Variants in EYS observed in about 807,000 individuals in gnomAD.
EYS encodes the protein EGF-like photoreceptor maintenance factor, also known as protein eyes shut homolog.
In EYS, 250 loss-of-function variants were observed where a neutral mutation model predicts 282.1. That is an observed-to-expected ratio of 0.89 (90% CI 0.80 to 0.98). The LOEUF is 0.98. EYS is among the 50% of genes least tolerant of loss of function. The probability of loss-of-function intolerance (pLI) is 0.00; values close to 1 mark genes in which losing one functional copy is unlikely to be tolerated. For synonymous variants in EYS, 1,355 were observed against 1,282.9 expected, an observed-to-expected ratio of 1.06 and a Z score of -1.20; for missense variants, 4,016 against 3,709.0, an observed-to-expected ratio of 1.08 and a Z score of -2.15.
intron 1 of EYS, among the ~76,000 whole-genome samples, chr6:65,703,006 C>T (rs1167385363): frequency 6.6e-6 from 1 of 152,110 alleles, no homozygotes; most frequent in Admixed American, 6.6e-5. Context: ...AACTTTAAGG[C>T]TTTTAGAGAA....
intron 11 of EYS, among the ~76,000 whole-genome samples, chr6:65,297,106 T>A (rs1037521358): frequency 4.6e-5 from 7 of 151,380 alleles, no homozygotes; most frequent in Non-Finnish European, 8.9e-5. Flanking sequence ...TATAAATTCT[T>A]AGATCATTTT....
chr6:64,491,234 T>C (rs1776729617), intron 26 of EYS, among the ~76,000 whole-genome samples: 1 of 150,908 alleles, frequency 6.6e-6, no homozygotes, highest in South Asian at 2.1e-4. Flanking sequence ...AAATATTATG[T>C]TTGCACATAA....
chr6:65,505,183 G>T (rs753362193), intron 2 of EYS, among the ~76,000 whole-genome samples: 1 of 151,734 alleles, frequency 6.6e-6, no homozygotes, highest in African/African-American at 2.4e-5. Context: ...TTCAAATATT[G>T]AGACAGAAAA....
rs995097783 is a variant in EYS at position 65,173,963 on chromosome 6, A to C, written c.2024-116236T>G. Among the ~76,000 whole-genome samples the C allele has an allele frequency of 1.7e-4, 25 of 151,252 alleles. 1 individual carries two copies. The highest frequency in any genetic ancestry group is 4.6e-4 in the Admixed American group (7 of 15,104). ...GTGTATGCTTGAGTAATCACAACGT[A>C]TATATAGCTTTTTTCTTAAAGATAA... On this transcript the variant is annotated intron_variant, in intron 12 of 42. Coordinates refer to ENST00000503581, the MANE Select transcript of EYS (RefSeq NM_001142800.2).
At chr6:65,214,666 C>G (rs969447145) in intron 12 of EYS, among the ~76,000 whole-genome samples, 1 of 152,100 alleles carries the variant, frequency 6.6e-6, no homozygotes, top group African/African-American at 2.4e-5. Context: ...GACAAAAAAG[C>G]CTTATATTGG....
At chr6:65,152,785 T>A (rs1174847863) in intron 12 of EYS, among the ~76,000 whole-genome samples, 1 of 151,638 alleles carries the variant, frequency 6.6e-6, no homozygotes, top group African/African-American at 2.4e-5. Context: ...GAATCATAGA[T>A]AAAACAATGT....
At chr6:64,717,169 G>A (rs984376581) in intron 22 of EYS, among the ~76,000 whole-genome samples, 2 of 152,120 alleles carry the variant, frequency 1.3e-5, no homozygotes, top group Admixed American at 6.5e-5. Flanking sequence ...ATAATGAGTG[G>A]ACCACATGTG....
chr6:64,184,168 G>A (rs918847993), intron 31 of EYS, among the ~76,000 whole-genome samples: 2 of 152,104 alleles, frequency 1.3e-5, no homozygotes, highest in African/African-American at 4.8e-5. Context: ...TTTTGCCATT[G>A]ACTCCTTAGT....
At chr6:64,312,978 C>T (rs1769782860) in intron 29 of EYS, among the ~76,000 whole-genome samples, 1 of 54,472 alleles carries the variant, frequency 1.8e-5, no homozygotes, top group Non-Finnish European at 5.2e-5. Context: ...CTCTTCTTCT[C>T]CAAAGGATCA....
chr6:64,181,035 A>G (rs1764774231), intron 31 of EYS, among the ~76,000 whole-genome samples: 1 of 152,152 alleles, frequency 6.6e-6, no homozygotes, highest in South Asian at 2.1e-4. Flanking sequence ...CTACTACTTG[A>G]AAGTGAGAAC....
At chr6:63,856,824 C>T (rs1264068961) in intron 36 of EYS, among the ~76,000 whole-genome samples, 12 of 151,990 alleles carry the variant, frequency 7.9e-5, no homozygotes, top group Non-Finnish European at 1.3e-4. Flanking sequence ...TATAATTTAT[C>T]AAATCTATTA....
intron 37 of EYS, among the ~76,000 whole-genome samples, chr6:63,804,138 T>A (rs532899888): frequency 6.6e-6 from 1 of 152,232 alleles, no homozygotes; most frequent in South Asian, 2.1e-4. Context: ...TGCCTCAGCC[T>A]CCCAAGTAGC....
chr6:65,448,771 T>A (rs947752553), intron 5 of EYS, among the ~76,000 whole-genome samples: 2 of 152,074 alleles, frequency 1.3e-5, no homozygotes, highest in Admixed American at 6.6e-5. Flanking sequence ...AAATGCAATG[T>A]TTTTGGTAAT....
At chr6:65,172,220 T>C (rs1450209663) in intron 12 of EYS, among the ~76,000 whole-genome samples, 1 of 151,532 alleles carries the variant, frequency 6.6e-6, no homozygotes, top group Non-Finnish European at 1.5e-5. Context: ...AATCAGTCTA[T>C]GATTTCATAG....
intron 12 of EYS, among the ~76,000 whole-genome samples, chr6:65,151,964 A>T (rs1395540536): frequency 6.6e-6 from 1 of 151,990 alleles, no homozygotes; most frequent in Non-Finnish European, 1.5e-5. Flanking sequence ...AACCTAAATG[A>T]CATTTGTAAA....
rs115820073 is a variant in EYS at position 63,724,799 on chromosome 6, G to A, written c.8233+1720C>T. On this transcript the variant is annotated intron_variant, in intron 42 of 42. Transcript: ENST00000503581. ...TAATTTAGAATTTGGTTTTCAATAT[G>A]TGAAAACCACATTGGCTGCTTTTAT... Among the ~76,000 whole-genome samples, 1,067 of 152,196 alleles carry A rather than the reference G, an allele frequency of 7.0e-3. 15 individuals are homozygous for A. Among genetic ancestry groups the A allele is most frequent in the South Asian group, 0.024 (115 of 4,824 alleles).
chr6:64,897,148 C>G (rs1236011694), intron 18 of EYS, among the ~76,000 whole-genome samples: 2 of 152,158 alleles, frequency 1.3e-5, no homozygotes, highest in South Asian at 2.1e-4. Flanking sequence ...GCTCCCATAT[C>G]TCCTGACTGG....
chr6:64,724,357 A>G (rs1284315917), intron 22 of EYS, among the ~76,000 whole-genome samples: 1 of 152,212 alleles, frequency 6.6e-6, no homozygotes, highest in Admixed American at 6.5e-5. Context: ...GCTGTAAAAG[A>G]AACTGCTTTG....
chr6:64,861,783 T>G (rs12664237), intron 19 of EYS, among the ~76,000 whole-genome samples: 2 of 152,290 alleles, frequency 1.3e-5, no homozygotes, highest in Middle Eastern at 3.4e-3. Context: ...ACATAATACA[T>G]CTTTGCTATT....
Sources: allele counts gnomAD v4.1 joint callset (sites outside exome capture counted in the v4.1 genomes callset), GRCh38; gene constraint gnomAD v4.1.1; transcripts MANE v1.5; gene names NCBI Gene and HGNC (gene_info 2026-07-23, HGNC 2026-07-21).